The following TLE4 variants were observed in gnomAD, a reference collection of about 807,000 sequenced individuals.
The protein encoded by TLE4 is TLE family member 4, transcriptional corepressor.
TLE4 carries 8 observed loss-of-function variants against 92.8 expected under a neutral mutation model. That is an observed-to-expected ratio of 0.09 (90% CI 0.05 to 0.16). The LOEUF (loss-of-function observed/expected upper bound fraction) is 0.16. TLE4 is among the 10% of genes least tolerant of loss of function. The probability of loss-of-function intolerance (pLI) is 1.00; values close to 1 mark genes in which losing one functional copy is unlikely to be tolerated. For synonymous variants in TLE4, 371 were observed against 374.1 expected (o/e 0.99, Z 0.10); for missense variants, 675 against 997.6 (o/e 0.68, Z 4.36).
chr9:79,642,735 C>T (rs1156548926), intron 6 of TLE4, among the ~76,000 whole-genome samples: 2 of 151,974 alleles, frequency 1.3e-5, no homozygotes, highest in African/African-American at 4.8e-5. Flanking sequence ...CTTTTCTTGC[C>T]ATTATTACTT....
chr9:79,708,853 A>T lies in TLE4; in HGVS notation c.1263+67A>T, dbSNP rs2072451933. On this transcript the variant is annotated intron_variant, in intron 13 of 19. Coordinates refer to ENST00000376552, the MANE Select transcript of TLE4 (RefSeq NM_007005.6). The stretch of plus-strand genomic sequence containing the variant: ...GGATTGTCATGCTTGATTGATTGCG[A>T]CAGGGTCTCGCTCTGTCACCCAGCC... 13 of 1,500,602 alleles carry T rather than the reference A, an allele frequency of 8.7e-6. No individual in the cohort carries two copies. In the South Asian group the frequency reaches 1.4e-4, roughly 16 times the overall value. 93.0% of individuals were successfully genotyped at this position (1,500,602 alleles called of 1,614,324 possible). A position where few individuals can be genotyped will look rare whatever the true frequency, so the allele number is the denominator to read the frequency against.
Position 79,672,839 on chromosome 9 carries a change from G to A in TLE4, c.609+18764G>A, listed in dbSNP as rs546813265. Among the ~76,000 whole-genome samples the A allele has an allele frequency of 1.3e-3, 197 of 152,256 alleles. 2 individuals are homozygous for A. The highest frequency in any genetic ancestry group is 5.0e-3 in the South Asian group (24 of 4,828). Reference sequence around the variant, plus strand: ...AGGGAAAGGAGCATGTGTTTCTGTAGCTCAGAAAACCCTAAGAGGAAGGAC... The same window carrying A: ...AGGGAAAGGAGCATGTGTTTCTGTAACTCAGAAAACCCTAAGAGGAAGGAC... On this transcript the variant is annotated intron_variant, in intron 8 of 19. Coordinates refer to ENST00000376552, the MANE Select transcript of TLE4 (RefSeq NM_007005.6).
At chr9:79,706,086 C>T (rs2071484625) in intron 10 of TLE4, 144 bp downstream of exon 10, 2 of 817,138 alleles carry the variant, frequency 2.4e-6, no homozygotes, top group Non-Finnish European at 4.2e-6. Context: ...GTTCTCTTGC[C>T]CTGGCTAGAG....
chr9:79,685,419 T>A (rs529230181), intron 8 of TLE4, among the ~76,000 whole-genome samples: 1 of 152,328 alleles, frequency 6.6e-6, no homozygotes, highest in African/African-American at 2.4e-5. Context: ...ATGATGTTTT[T>A]AAAACAGATC....
intron 11 of TLE4, 78 bp downstream of exon 11, chr9:79,706,977 T>C: frequency 6.4e-7 from 1 of 1,572,682 alleles, no homozygotes; most frequent in Non-Finnish European, 8.6e-7. Flanking sequence ...TATCTTTATA[T>C]TTCTCACATT....
At chr9:79,720,795 G>A (rs1398603652) in intron 16 of TLE4, among the ~76,000 whole-genome samples, 1 of 152,108 alleles carries the variant, frequency 6.6e-6, no homozygotes, top group East Asian at 1.9e-4. Context: ...CAGATATTTA[G>A]CAACTCCCAT....
At chr9:79,618,913 T>C (rs2050298613) in intron 5 of TLE4, among the ~76,000 whole-genome samples, 1 of 152,158 alleles carries the variant, frequency 6.6e-6, no homozygotes, top group South Asian at 2.1e-4. Context: ...ATATTGAGAA[T>C]ATAAAAGGGA....
intron 8 of TLE4, 77 bp from the exon 9 acceptor site, chr9:79,704,706 G>A (rs1445232360): frequency 6.5e-7 from 1 of 1,548,182 alleles, no homozygotes; most frequent in Non-Finnish European, 8.7e-7. Context: ...AGAAAAGAAA[G>A]TCTCAAGTGA....
chr9:79,598,174 AG>A (rs1253515350), intron 4 of TLE4, among the ~76,000 whole-genome samples: 2 of 145,152 alleles, frequency 1.4e-5, no homozygotes, highest in Non-Finnish European at 3.0e-5. Context: ...GCTTGAACCC[AG>A]GGGGCGGAGG....
chr9:79,724,100 C>T (rs2076065545), intron 19 of TLE4, among the ~76,000 whole-genome samples: 1 of 151,882 alleles, frequency 6.6e-6, no homozygotes, highest in Non-Finnish European at 1.5e-5. Flanking sequence ...AACCTCTCCC[C>T]TCTCGCAAAT....
At chr9:79,578,525 A>C (rs2038654696) in intron 4 of TLE4, among the ~76,000 whole-genome samples, 1 of 152,218 alleles carries the variant, frequency 6.6e-6, no homozygotes, top group African/African-American at 2.4e-5. Context: ...AAAAGATAAA[A>C]GTATGAAGCA....
intron 6 of TLE4, among the ~76,000 whole-genome samples, chr9:79,648,883 C>T (rs892913464): frequency 6.6e-6 from 1 of 151,900 alleles, no homozygotes; most frequent in Non-Finnish European, 1.5e-5. Flanking sequence ...GTTTGGAAGA[C>T]AATTGTGGGT....
intron 8 of TLE4, among the ~76,000 whole-genome samples, chr9:79,683,690 A>G (rs1355310798): frequency 4.6e-5 from 7 of 152,152 alleles, no homozygotes. Flanking sequence ...TATTCTCCGT[A>G]TTTTGTATTA....
intron 8 of TLE4, among the ~76,000 whole-genome samples, chr9:79,696,076 C>T (rs2068184083): frequency 6.6e-6 from 1 of 152,136 alleles, no homozygotes; most frequent in Non-Finnish European, 1.5e-5. Context: ...TCAGCAGCAG[C>T]AATGTGGCCA....
intron 6 of TLE4, among the ~76,000 whole-genome samples, chr9:79,642,536 T>G (rs936190006): frequency 2.6e-5 from 4 of 152,118 alleles, no homozygotes; most frequent in African/African-American, 9.7e-5. Flanking sequence ...GAACCATTGG[T>G]ATCAGTAAGA....
At chr9:79,590,932 T>C (rs960971622) in intron 4 of TLE4, among the ~76,000 whole-genome samples, 3 of 152,346 alleles carry the variant, frequency 2.0e-5, no homozygotes, top group South Asian at 2.1e-4. Flanking sequence ...AGTAACTTAA[T>C]CTTCATGAGA....
At chr9:79,586,111 G>A (rs1314324713) in intron 4 of TLE4, among the ~76,000 whole-genome samples, 6 of 140,954 alleles carry the variant, frequency 4.3e-5, no homozygotes, top group African/African-American at 7.8e-5. Flanking sequence ...CGTGGCTTAC[G>A]CCTGTAATCC....
chr9:79,722,528 T>C lies in TLE4; in HGVS notation c.2064T>C (p.His688=), dbSNP rs1396842879. ...AGAACAGCAATGTGGAAGTTTTGCA[T>C]GTCACCAAGCCAGACAAATACCAAC... ...GMENSNVEVL[H]VTKPDKYQLH... The change falls in exon 18 of 20, where the codon CAT becomes CAC. Residue 688 remains histidine, a synonymous_variant. Coordinates refer to ENST00000376552, the MANE Select transcript of TLE4 (RefSeq NM_007005.6). The C allele has an allele frequency of 1.2e-6, 2 of 1,614,120 alleles. No individual in the cohort carries two copies. Among genetic ancestry groups the C allele is most frequent in the East Asian group, 2.2e-5 (1 of 44,904 alleles).
intron 8 of TLE4, among the ~76,000 whole-genome samples, chr9:79,698,602 T>A (rs1162317332): frequency 6.6e-6 from 1 of 152,106 alleles, no homozygotes; most frequent in Admixed American, 6.6e-5. Flanking sequence ...ATTGTGCTTT[T>A]AATGACTTCC....
Sources: gnomAD v4.1 joint callset for allele counts (sites outside exome capture counted in the v4.1 genomes callset) on GRCh38, gnomAD v4.1.1 for gene constraint, MANE v1.5 for transcripts, NCBI Gene and HGNC (gene_info 2026-07-23, HGNC 2026-07-21) for gene names.